FNDC1: variants seen among roughly 807,000 people sequenced by gnomAD.
FNDC1 encodes fibronectin type III domain containing 1.
In FNDC1, 96 loss-of-function variants were observed where a neutral mutation model predicts 168.0. The ratio of observed to expected loss-of-function variants is 0.57; its 90% CI spans 0.48 to 0.68. The LOEUF (loss-of-function observed/expected upper bound fraction) is 0.68. FNDC1 is among the 30% of genes least tolerant of loss of function. The pLI, the probability that FNDC1 is intolerant of heterozygous loss-of-function variation, is 0.00. For missense variants in FNDC1, 2,587 were observed against 2,482.1 expected, an observed-to-expected ratio of 1.04 and a Z score of -0.90; for synonymous variants, 1,099 against 1,025.9, an observed-to-expected ratio of 1.07 and a Z score of -1.36.
At chr6:159,259,235 G>T (rs1207262335) in intron 18 of FNDC1, among the ~76,000 whole-genome samples, 1 of 152,108 alleles carries the variant, frequency 6.6e-6, no homozygotes. Flanking sequence ...TTTTAAAAAT[G>T]GAATTTTACT....
chr6:159,210,301 C>T (rs868619191), intron 4 of FNDC1, among the ~76,000 whole-genome samples: 3 of 152,176 alleles, frequency 2.0e-5, no homozygotes, highest in Admixed American at 6.5e-5. Context: ...CTAGGGCTAC[C>T]GATCCGACAG....
In FNDC1 at chr6:159,200,522, G is replaced by A. The variant is rs747371641; in HGVS notation, c.401G>A (p.Trp134Ter). The change falls in exon 4 of 23, where the codon TGG (tryptophan) becomes TAG (stop). Residue 134 changes from tryptophan to a stop codon, truncating the protein, a stop_gained. Coordinates refer to ENST00000297267, the MANE Select transcript of FNDC1 (RefSeq NM_032532.3). LOFTEE classifies it high-confidence loss of function. ...YRAESPPGGE[W>*]IEIDGFPIKG... The stretch of plus-strand genomic sequence containing the variant: ...CATTTCCCTAATTTAGGAGGTGAAT[G>A]GATCGAGATTGATGGTTTTCCCATT... The A allele has an allele frequency of 2.5e-6, 4 of 1,598,590 alleles. No individual in the cohort carries two copies. Among genetic ancestry groups the A allele is most frequent in the Non-Finnish European group, 3.4e-6 (4 of 1,171,772 alleles).
In FNDC1 at chr6:159,188,670, G is replaced by A. The variant is rs112651604; in HGVS notation, c.110-8761G>A. ...TGGGATTACAGGCGTGAGCCACTGC[G>A]CCCGGCCGCCTCAATTTCTTTGAGT... On this transcript the variant is annotated intron_variant, in intron 1 of 22. Transcript: ENST00000297267. Among the ~76,000 whole-genome samples, 628 of 151,738 alleles carry A rather than the reference G, an allele frequency of 4.1e-3. 5 individuals are homozygous for A. The highest frequency in any genetic ancestry group is 0.014 in the African/African-American group (592 of 41,406).
At position 159,234,121 on chromosome 6, in the gene FNDC1, G is replaced by T; in HGVS notation, c.3609G>T (p.Trp1203Cys). The part of the protein sequence containing the change: ...EDLLSSSVPK[W>C]PSSSTPRGGK... The stretch of plus-strand genomic sequence containing the variant: ...TTCTGTCTTCCTCTGTGCCAAAGTG[G>T]CCCTCTTCCTCCACTCCCAGGGGCG... Residue 1203 changes from tryptophan (W) to cysteine (C), a missense_variant, in exon 11 of 23, where the codon TGG (tryptophan) becomes TGT (cysteine). Transcript: ENST00000297267. 6.2e-7 allele frequency: 1 copy of T among 1,604,910 alleles called. No individual in the cohort carries two copies. The highest frequency in any genetic ancestry group is 8.5e-7 in the Non-Finnish European group (1 of 1,175,468).
intron 9 of FNDC1, among the ~76,000 whole-genome samples, chr6:159,229,360 A>C (rs1188625573): frequency 6.6e-6 from 1 of 152,270 alleles, no homozygotes; most frequent in Non-Finnish European, 1.5e-5. Context: ...AAATGTGCTA[A>C]TAAAAATAAC....
intron 4 of FNDC1, among the ~76,000 whole-genome samples, chr6:159,207,471 G>A (rs1782510542): frequency 6.6e-6 from 1 of 152,110 alleles, no homozygotes; most frequent in East Asian, 1.9e-4. Flanking sequence ...AGCATCTTGG[G>A]GTTCACTTGC....
intron 18 of FNDC1, among the ~76,000 whole-genome samples, chr6:159,260,519 G>A (rs1777460692): frequency 6.6e-6 from 1 of 152,124 alleles, no homozygotes; most frequent in Non-Finnish European, 1.5e-5. Context: ...CTTTCCTTGA[G>A]GCGCAGAAGC....
In FNDC1 at chr6:159,234,120, G is replaced by T. The variant is rs1157260293; in HGVS notation, c.3608G>T (p.Trp1203Leu). 6.2e-7 allele frequency: 1 copy of T among 1,605,230 alleles called. No homozygotes were observed. The highest frequency in any genetic ancestry group is 8.5e-7 in the Non-Finnish European group (1 of 1,175,694). ...CTTCTGTCTTCCTCTGTGCCAAAGT[G>T]GCCCTCTTCCTCCACTCCCAGGGGC... is the stretch of plus-strand genomic sequence containing the variant. ...EDLLSSSVPK[W>L]PSSSTPRGGK... is the part of the protein sequence containing the mutation. The change falls in exon 11 of 23, where the codon TGG becomes TTG. Residue 1203 changes from tryptophan (W) to leucine (L), a missense_variant. Trp to Leu is a moderately conservative substitution (Grantham distance 61). Coordinates refer to ENST00000297267, the MANE Select transcript of FNDC1 (RefSeq NM_032532.3).
intron 1 of FNDC1, 28 bp from the exon 2 acceptor site, chr6:159,197,403 T>C: frequency 6.4e-7 from 1 of 1,568,456 alleles, no homozygotes; most frequent in Non-Finnish European, 8.6e-7. Context: ...GTTATTGCCA[T>C]GAGTTGATAG....
intron 1 of FNDC1, among the ~76,000 whole-genome samples, chr6:159,181,476 T>C (rs1301832958): frequency 6.6e-6 from 1 of 152,238 alleles, no homozygotes; most frequent in Non-Finnish European, 1.5e-5. Context: ...TGTGCTAGGC[T>C]CTGGGGTTAC....
intron 1 of FNDC1, among the ~76,000 whole-genome samples, chr6:159,195,782 G>A (rs1782230816): frequency 6.6e-6 from 1 of 152,226 alleles, no homozygotes; most frequent in Non-Finnish European, 1.5e-5. Flanking sequence ...GGTAGAAAAT[G>A]TGACAGTATT....
At chr6:159,181,909 G>A (rs1052350059) in intron 1 of FNDC1, among the ~76,000 whole-genome samples, 2 of 152,096 alleles carry the variant, frequency 1.3e-5, no homozygotes, top group African/African-American at 4.8e-5. Flanking sequence ...AAACCATCAC[G>A]TTCTCTTTTC....
At chr6:159,249,690 C>T (rs369361625) in intron 16 of FNDC1, among the ~76,000 whole-genome samples, 1 of 152,160 alleles carries the variant, frequency 6.6e-6, no homozygotes, top group African/African-American at 2.4e-5. Flanking sequence ...TCATTTTACT[C>T]TTCTTTCTCA....
chr6:159,215,246 G>GT, intron 5 of FNDC1, 95 bp downstream of exon 5: 1 of 1,113,044 alleles, frequency 9.0e-7, no homozygotes. Context: ...TTATATTTTA[G>GT]TTGTAATGTC....
At chr6:159,265,572 C>G (rs1486188874) in intron 20 of FNDC1, among the ~76,000 whole-genome samples, 2 of 152,062 alleles carry the variant, frequency 1.3e-5, no homozygotes, top group Non-Finnish European at 2.9e-5. Context: ...TGGAACGGCC[C>G]AAATGTACTT....
Position 159,234,210 on chromosome 6 carries a change from G to A in FNDC1, c.3698G>A (p.Arg1233His), listed in dbSNP as rs1413127928. The A allele has an allele frequency of 4.4e-6, 7 of 1,595,816 alleles. No homozygotes were observed. The highest frequency in any genetic ancestry group is 1.3e-5 in the African/African-American group (1 of 74,654). The change falls in exon 11 of 23, where the codon CGC becomes CAC. Residue 1233 changes from arginine to histidine, a missense_variant. By Grantham distance (29) the Arg-to-His change is conservative. Coordinates refer to ENST00000297267, the MANE Select transcript of FNDC1 (RefSeq NM_032532.3). Reference sequence around the variant, plus strand: ...GAGCCTGCCATCGCGCTTGCCCCTCGCGGAGGGAGCCTGGCTCCTGTGAAG... The same window carrying A: ...GAGCCTGCCATCGCGCTTGCCCCTCACGGAGGGAGCCTGGCTCCTGTGAAG... ...EREPAIALAP[R>H]GGSLAPVKRP...
At chr6:159,207,386 C>T (rs887840255) in intron 4 of FNDC1, among the ~76,000 whole-genome samples, 4 of 152,164 alleles carry the variant, frequency 2.6e-5, no homozygotes, top group Non-Finnish European at 5.9e-5. Context: ...CACTTGCCTT[C>T]AAGTCCTGGA....
In FNDC1 at chr6:159,257,905, C is replaced by CTTT. The variant is rs142754305; in HGVS notation, c.5174+1290_5174+1292dup. 3.8e-4 allele frequency among the ~76,000 whole-genome samples: 50 copies of CTTT among 131,582 alleles called. 1 individual carries two copies. Among genetic ancestry groups the CTTT allele is most frequent in the African/African-American group, 1.3e-3 (46 of 35,062 alleles). The allele number at this position is 131,582 out of a possible 152,430, so 86.3% of individuals were successfully genotyped here. A position where few individuals can be genotyped will look rare whatever the true frequency, so the allele number is the denominator to read the frequency against. ...AAATTAGAGAAAATGGAGTCAATGT[C>CTTT]TTTTTTTTTTTTTTTTTTGGCGAGT... On this transcript the variant is annotated intron_variant, in intron 18 of 22. Transcript: ENST00000297267.
At chr6:159,253,459 A>G (rs1256074796) in intron 17 of FNDC1, among the ~76,000 whole-genome samples, 2 of 152,216 alleles carry the variant, frequency 1.3e-5, no homozygotes, top group Non-Finnish European at 2.9e-5. Context: ...CCTGCTGGCT[A>G]CATGGATGTT....
Sources: allele counts gnomAD v4.1 joint callset (sites outside exome capture counted in the v4.1 genomes callset), GRCh38; gene constraint gnomAD v4.1.1; transcripts MANE v1.5; gene names NCBI Gene and HGNC (gene_info 2026-07-23, HGNC 2026-07-21).